DOCK11: variants seen among roughly 807,000 people sequenced by gnomAD.
DOCK11 encodes dedicator of cytokinesis 11, also known as dedicator of cytokinesis protein 11.
A neutral mutation model predicts 169.1 loss-of-function variants in DOCK11; 70 were observed. That is an observed-to-expected ratio of 0.41 (90% CI 0.34 to 0.51). The LOEUF (loss-of-function observed/expected upper bound fraction) is 0.51, where lower values mean the gene tolerates loss of function less well. Ranked by LOEUF, DOCK11 falls within the 20% of genes least tolerant of loss-of-function variation. The pLI is 0.10. For missense variants in DOCK11, 1,166 were observed against 1,538.8 expected (o/e 0.76, Z 4.05); for synonymous variants, 529 against 541.3 (o/e 0.98, Z 0.32).
intron 6 of DOCK11, among the ~76,000 whole-genome samples, chrX:118,555,475 T>C (rs1451755395): frequency 9.1e-6 from 1 of 110,340 alleles, no homozygotes; most frequent in African/African-American, 3.3e-5. Flanking sequence ...GAGGATCGCT[T>C]GAACCCAGGA....
chrX:118,534,373 C>G (rs1009621893), intron 1 of DOCK11, among the ~76,000 whole-genome samples: 16 of 112,113 alleles, frequency 1.4e-4, no homozygotes, highest in African/African-American at 4.9e-4. Flanking sequence ...TCATATAGTG[C>G]ATAGTCTTGT....
At chrX:118,554,496 G>A (rs1478741039) in intron 6 of DOCK11, among the ~76,000 whole-genome samples, 1 of 111,530 alleles carries the variant, frequency 9.0e-6, no homozygotes, top group Non-Finnish European at 1.9e-5. Context: ...GTTGCAGTGA[G>A]CTGAGATCGC....
At chrX:118,628,670 G>A (rs1430420413) in intron 34 of DOCK11, among the ~76,000 whole-genome samples, 3 of 111,755 alleles carry the variant, frequency 2.7e-5, no homozygotes, top group African/African-American at 9.8e-5. Context: ...AAAAATATAG[G>A]TCCCAAAATT....
chrX:118,665,930 G>T (rs1423354794), intron 45 of DOCK11, among the ~76,000 whole-genome samples: 1 of 111,348 alleles, frequency 9.0e-6, no homozygotes, highest in Non-Finnish European at 1.9e-5. Context: ...TCCTGATGAC[G>T]TGTGCCCCTG....
chrX:118,618,678 A>G lies in DOCK11; in HGVS notation c.3421A>G (p.Ile1141Val). 7 of 1,207,662 alleles carry G rather than the reference A, an allele frequency of 5.8e-6. No individual in the cohort carries two copies. The highest frequency in any genetic ancestry group is 7.8e-6 in the Non-Finnish European group (7 of 893,400). ...GATCAGATATACAGCTATCTCTGTT[A>G]TAAAGAATCTTTTGATAAAACATGC... ...YEIRYTAISV[I>V]KNLLIKHAFD... The change falls in exon 31 of 53, where the codon ATA (isoleucine) becomes GTA (valine). Residue 1141 changes from isoleucine to valine, a missense_variant. Physicochemically the swap from Ile to Val is conservative, Grantham distance 29 (BLOSUM62 3). Transcript: ENST00000276202.
chrX:118,509,210 C>A (rs890808134), intron 1 of DOCK11, among the ~76,000 whole-genome samples: 5 of 111,224 alleles, frequency 4.5e-5, no homozygotes, highest in Admixed American at 9.5e-5. Flanking sequence ...GTGCCTTACC[C>A]TCACCAGGAC....
At chrX:118,527,501 G>A (rs750844057) in intron 1 of DOCK11, among the ~76,000 whole-genome samples, 1 of 111,632 alleles carries the variant, frequency 9.0e-6, no homozygotes, top group Non-Finnish European at 1.9e-5. Flanking sequence ...TTATATTACT[G>A]GGAACACCGT....
At chrX:118,587,388 C>T (rs1219070774) in intron 16 of DOCK11, among the ~76,000 whole-genome samples, 4 of 111,755 alleles carry the variant, frequency 3.6e-5, no homozygotes, top group Non-Finnish European at 7.5e-5. Context: ...TGTCTACCTC[C>T]AGATGCTCTG....
intron 1 of DOCK11, among the ~76,000 whole-genome samples, chrX:118,524,157 T>C (rs2011321600): frequency 9.0e-6 from 1 of 111,631 alleles, no homozygotes; most frequent in African/African-American, 3.3e-5. Flanking sequence ...CTGTCATTAG[T>C]ACACAAGTGC....
intron 38 of DOCK11, among the ~76,000 whole-genome samples, chrX:118,640,885 C>T (rs2147513209): frequency 9.0e-6 from 1 of 111,650 alleles, no homozygotes; most frequent in South Asian, 3.8e-4. Flanking sequence ...CCTCTGCCTC[C>T]CGGGTTCAAG....
chrX:118,673,542 T>C lies in DOCK11; in HGVS notation c.5200-2394T>C, dbSNP rs149272786. Among the ~76,000 whole-genome samples, 395 of 112,019 alleles carry C rather than the reference T, an allele frequency of 3.5e-3. 5 individuals are homozygous for C. The highest frequency in any genetic ancestry group is 0.012 in the African/African-American group (376 of 30,843). On this transcript the variant is annotated intron_variant, in intron 46 of 52. Transcript: ENST00000276202. Reference sequence around the variant, plus strand: ...TATCTCTATGGAACGGGCTGAAAACTATCAGAGATAGCAGCCAAAGTAAGG... The same window carrying C: ...TATCTCTATGGAACGGGCTGAAAACCATCAGAGATAGCAGCCAAAGTAAGG...
rs985032293 is a variant in DOCK11 at position 118,588,228 on chromosome X, G to A, written c.1887G>A (p.Met629Ile). 5.8e-6 allele frequency: 7 copies of A among 1,200,564 alleles called. No homozygotes were observed. In the South Asian group the frequency reaches 1.3e-4, roughly 22 times the overall value. The change falls in exon 17 of 53, where the codon ATG (methionine) becomes ATA (isoleucine). Residue 629 changes from methionine (M) to isoleucine (I), a missense_variant. Physicochemically the swap from Met to Ile is conservative, Grantham distance 10 (BLOSUM62 1). Transcript: ENST00000276202. ...AGGTTGAAGAGTTTGTTCCAGAAATGACAAAATATTGTTATCCATTTACTA... is the reference window on the plus strand; with the variant it reads ...AGGTTGAAGAGTTTGTTCCAGAAATAACAAAATATTGTTATCCATTTACTA... ...TVEVEEFVPE[M>I]TKYCYPFTIY... is the part of the protein sequence containing the mutation.
chrX:118,595,213 A>G (rs1352996654), intron 20 of DOCK11, among the ~76,000 whole-genome samples: 1 of 111,795 alleles, frequency 8.9e-6, no homozygotes, highest in African/African-American at 3.3e-5. Context: ...CAGGAAAGGA[A>G]GAGGCCACAC....
intron 24 of DOCK11, among the ~76,000 whole-genome samples, chrX:118,607,117 T>A (rs967792989): frequency 1.1e-5 from 1 of 93,721 alleles, no homozygotes; most frequent in Non-Finnish European, 2.2e-5. Flanking sequence ...TCCTTCTTTT[T>A]TTTTTTTTTT....
chrX:118,502,154 C>G (rs756676859), intron 1 of DOCK11, among the ~76,000 whole-genome samples: 3 of 111,507 alleles, frequency 2.7e-5, no homozygotes, highest in African/African-American at 9.8e-5. Context: ...TCATCTAGAC[C>G]GCTTGTCCAC....
chrX:118,555,413 C>T (rs1021088662), intron 6 of DOCK11, among the ~76,000 whole-genome samples: 4 of 110,210 alleles, frequency 3.6e-5, no homozygotes, highest in African/African-American at 6.6e-5. Context: ...AAAGCTTAGC[C>T]GGGTATGGTG....
chrX:118,628,468 A>G (rs1011784053), intron 34 of DOCK11, among the ~76,000 whole-genome samples, 196 bp downstream of exon 34: 12 of 112,431 alleles, frequency 1.1e-4, no homozygotes, highest in African/African-American at 3.9e-4. Context: ...CTATTTATAG[A>G]GAATAAGGCA....
intron 36 of DOCK11, 36 bp downstream of exon 36, chrX:118,636,448 C>A: frequency 1.3e-6 from 1 of 775,454 alleles, no homozygotes; most frequent in Non-Finnish European, 1.8e-6. Context: ...ATACTTTCCC[C>A]TTATTTGGGG....
intron 30 of DOCK11, among the ~76,000 whole-genome samples, chrX:118,617,971 G>T (rs2014867809): frequency 8.9e-6 from 1 of 111,846 alleles, no homozygotes; most frequent in African/African-American, 3.2e-5. Context: ...TAAAATATTT[G>T]TTTTTGAGTG....
Sources: gnomAD v4.1 joint callset for allele counts (sites outside exome capture counted in the v4.1 genomes callset) on GRCh38, gnomAD v4.1.1 for gene constraint, MANE v1.5 for transcripts, NCBI Gene and HGNC (gene_info 2026-07-23, HGNC 2026-07-21) for gene names.